Variants in EFCAB6 observed in about 807,000 individuals in gnomAD.
EFCAB6 encodes EF-hand calcium binding domain 6.
Under a neutral mutation model 169.8 loss-of-function variants are expected in EFCAB6, and 156 were observed. That is an observed-to-expected ratio of 0.92 (90% confidence interval 0.81 to 1.05). The LOEUF (loss-of-function observed/expected upper bound fraction) is 1.05. Ranked by LOEUF, EFCAB6 falls within the 50% of genes least tolerant of loss-of-function variation. The pLI is 0.00. For synonymous variants in EFCAB6, 698 were observed against 676.4 expected, an observed-to-expected ratio of 1.03 and a Z score of -0.50; for missense variants, 1,800 against 1,829.1, an observed-to-expected ratio of 0.98 and a Z score of 0.29.
At chr22:43,765,249 GCT>G in intron 5 of EFCAB6, 54 bp downstream of exon 5, 1 of 1,362,758 alleles carries the variant, frequency 7.3e-7, no homozygotes, top group Non-Finnish European at 1.0e-6. Flanking sequence ...TCACGTCATA[GCT>G]CTTACTCATC....
intron 17 of EFCAB6, 26 bp from the exon 18 acceptor site, chr22:43,635,242 G>C: frequency 1.9e-6 from 3 of 1,577,588 alleles, no homozygotes; most frequent in Non-Finnish European, 2.6e-6. Context: ...GGGGAGGGTG[G>C]AGAGGCGTTA....
chr22:43,532,580 CT>C (rs34388230), intron 30 of EFCAB6, among the ~76,000 whole-genome samples: 44,706 of 145,968 alleles, frequency 0.31, 7,956 homozygotes, highest in East Asian at 0.73. Context: ...TGTCTAAAGT[CT>C]TTTTTTTTTT....
At chr22:43,725,599 T>C (rs1169116633) in intron 8 of EFCAB6, among the ~76,000 whole-genome samples, 3 of 152,216 alleles carry the variant, frequency 2.0e-5, no homozygotes, top group African/African-American at 4.8e-5. Flanking sequence ...GGGGCTAACA[T>C]TGAAACCATA....
At position 43,615,841 on chromosome 22, in the gene EFCAB6, C is replaced by G; in HGVS notation, c.2547G>C (p.Trp849Cys). The change falls in exon 21 of 32, where the codon TGG (tryptophan) becomes TGC (cysteine). Residue 849 changes from tryptophan (W) to cysteine (C), a missense_variant. Physicochemically the swap from Trp to Cys is radical, Grantham distance 215 (BLOSUM62 -2). Coordinates refer to ENST00000262726, the MANE Select transcript of EFCAB6 (RefSeq NM_022785.4). ...ATTTTCTTACCTTAGACAAGTCTGACCATCTGTTTTTTGCTTTGGTAACAA... is the reference window on the plus strand; with the variant it reads ...ATTTTCTTACCTTAGACAAGTCTGAGCATCTGTTTTTTGCTTTGGTAACAA... ...QYLVTKAKNR[W>C]SDLSKNFLET... 6.2e-7 allele frequency: 1 copy of G among 1,613,240 alleles called. No individual in the cohort carries two copies. Among genetic ancestry groups the G allele is most frequent in the Non-Finnish European group, 8.5e-7 (1 of 1,179,692 alleles).
intron 13 of EFCAB6, among the ~76,000 whole-genome samples, chr22:43,674,429 C>T (rs1383702605): frequency 6.6e-6 from 1 of 152,190 alleles, no homozygotes; most frequent in African/African-American, 2.4e-5. Flanking sequence ...GGTCCCTGCG[C>T]AGGCTCCGGG....
Position 43,667,177 on chromosome 22 carries a change from GGGTCCTGCTGCTGTATACAC to G in EFCAB6, c.1890_1909del (p.Lys630AsnfsTer9). 1 of 1,613,868 alleles carries G rather than the reference GGGTCCTGCTGCTGTATACAC, an allele frequency of 6.2e-7. No homozygotes were observed. Among genetic ancestry groups the G allele is most frequent in the Non-Finnish European group, 8.5e-7 (1 of 1,179,934 alleles). On this transcript the variant is annotated frameshift_variant, in exon 17 of 32. Coordinates refer to ENST00000262726, the MANE Select transcript of EFCAB6 (RefSeq NM_022785.4). LOFTEE classifies it high-confidence loss of function. The stretch of plus-strand genomic sequence containing the variant: ...GTCAAGAAATCGTTTTTTGAATGCC[GGGTCCTGCTGCTGTATACAC>G]TTTTTGAATTTTTCAATCACTTCTT...
intron 26 of EFCAB6, among the ~76,000 whole-genome samples, chr22:43,571,995 G>C (rs562199362): frequency 6.6e-6 from 1 of 152,316 alleles, no homozygotes; most frequent in South Asian, 2.1e-4. Context: ...GGCCAATTTA[G>C]GGGGTTGATC....
At chr22:43,555,639 T>G (rs1385336396) in intron 26 of EFCAB6, among the ~76,000 whole-genome samples, 1 of 152,224 alleles carries the variant, frequency 6.6e-6, no homozygotes, top group African/African-American at 2.4e-5. Context: ...CACAGGGACT[T>G]AACTCTGGGG....
chr22:43,796,567 A>ACGGCAAC (rs2062516116), intron 2 of EFCAB6, among the ~76,000 whole-genome samples: 1 of 152,158 alleles, frequency 6.6e-6, no homozygotes, highest in African/African-American at 2.4e-5. Context: ...AGACACAGAT[A>ACGGCAAC]CGGCAACCGA....
intron 25 of EFCAB6, among the ~76,000 whole-genome samples, chr22:43,579,724 A>G (rs535718817): frequency 1.2e-3 from 185 of 148,074 alleles, no homozygotes; most frequent in African/African-American, 4.5e-3. Flanking sequence ...CATTCCATAC[A>G]TGCAGGCATC....
Position 43,736,234 on chromosome 22 carries a change from C to G in EFCAB6, c.508-241G>C, listed in dbSNP as rs5764257. ...AGTAATTTAAAAAAAATCTCTTTCT[C>G]ATGTAAAGCAGTAAGTCTCATACAC... On this transcript the variant is annotated intron_variant, in intron 6 of 31. Coordinates refer to ENST00000262726, the MANE Select transcript of EFCAB6 (RefSeq NM_022785.4). Among the ~76,000 whole-genome samples the G allele has an allele frequency of 0.88, 133,849 of 152,182 alleles. 58,902 individuals carry two copies. The highest frequency in any genetic ancestry group is 0.99 in the East Asian group (5,134 of 5,180).
rs1317320699 is a variant in EFCAB6, at chr22:43,561,440, G to A, written c.3421-6344C>T. Among the ~76,000 whole-genome samples, 7 of 151,588 alleles carry A rather than the reference G, an allele frequency of 4.6e-5. No individual in the cohort carries two copies. The South Asian group carries it at 8.4e-4, about 18-fold the overall frequency. ...AGGAAAAATGATCACTGAAAACCCC[G>A]CCCCCCTCAGCCACCACTGTCATTG... On this transcript the variant is annotated intron_variant, in intron 26 of 31. Transcript: ENST00000262726.
At chr22:43,580,933 T>C (rs2050682593) in intron 24 of EFCAB6, among the ~76,000 whole-genome samples, 1 of 152,198 alleles carries the variant, frequency 6.6e-6, no homozygotes, top group Non-Finnish European at 1.5e-5. Context: ...ACCTGAGGCT[T>C]GAAGGCTGGA....
intron 26 of EFCAB6, among the ~76,000 whole-genome samples, chr22:43,556,405 A>C (rs1322101577): frequency 1.3e-5 from 2 of 152,158 alleles, no homozygotes; most frequent in East Asian, 1.9e-4. Context: ...GAGATTCCCA[A>C]GGTGACCACA....
chr22:43,664,341 C>T (rs2148179910), intron 17 of EFCAB6, among the ~76,000 whole-genome samples: 1 of 152,348 alleles, frequency 6.6e-6, no homozygotes, highest in Middle Eastern at 3.4e-3. Flanking sequence ...CTGGGCCCTA[C>T]TATGTGCAAA....
At chr22:43,773,166 T>G (rs1040903493) in intron 3 of EFCAB6, 63 bp from the exon 4 acceptor site, 4 of 1,534,006 alleles carry the variant, frequency 2.6e-6, no homozygotes, top group Admixed American at 1.8e-5. Flanking sequence ...ACAGAAACTC[T>G]TGCACTGTTG....
At chr22:43,603,155 C>T (rs112181545) in intron 22 of EFCAB6, among the ~76,000 whole-genome samples, 7 of 152,280 alleles carry the variant, frequency 4.6e-5, no homozygotes, top group African/African-American at 1.7e-4. Flanking sequence ...CATCATGACA[C>T]TTGAACTGAA....
chr22:43,675,898 T>C (rs550077601), intron 13 of EFCAB6, among the ~76,000 whole-genome samples: 1 of 151,756 alleles, frequency 6.6e-6, no homozygotes, highest in South Asian at 2.1e-4. Flanking sequence ...AAATCTATTC[T>C]AAGGAAATAT....
intron 17 of EFCAB6, among the ~76,000 whole-genome samples, chr22:43,638,079 C>T (rs904456165): frequency 3.9e-5 from 6 of 152,226 alleles, no homozygotes; most frequent in African/African-American, 1.2e-4. Flanking sequence ...CACGGAGCAC[C>T]GGAGCACCGC....
Sources: allele counts gnomAD v4.1 joint callset (sites outside exome capture counted in the v4.1 genomes callset), GRCh38; gene constraint gnomAD v4.1.1; transcripts MANE v1.5; gene names NCBI Gene and HGNC (gene_info 2026-07-23, HGNC 2026-07-21).